The following DNAH3 variants were observed in gnomAD, a reference collection of about 807,000 sequenced individuals.
The protein encoded by DNAH3 is axonemal beta dynein heavy chain 3.
DNAH3 carries 332 observed loss-of-function variants against 432.5 expected under a neutral mutation model. That is an observed-to-expected ratio of 0.77 (90% CI 0.70 to 0.84). DNAH3 has a LOEUF of 0.84. Ranked by LOEUF, DNAH3 falls within the 40% of genes least tolerant of loss-of-function variation. The pLI is 0.00. For missense variants in DNAH3, 4,861 were observed against 5,114.0 expected (o/e 0.95, Z 1.51); for synonymous variants, 1,956 against 1,900.2 (o/e 1.03, Z -0.76).
chr16:21,058,613 T>C (rs924150266), intron 26 of DNAH3, among the ~76,000 whole-genome samples: 1 of 142,720 alleles, frequency 7.0e-6, no homozygotes, highest in Admixed American at 7.1e-5. Context: ...ACTATGTATA[T>C]AAATTTTTTC....
chr16:21,144,323 GCTCT>G (rs1182513686), intron 3 of DNAH3, among the ~76,000 whole-genome samples: 2 of 152,050 alleles, frequency 1.3e-5, no homozygotes, highest in Admixed American at 6.6e-5. Context: ...TCTCTTGCTG[GCTCT>G]CTCTCTTTCT....
intron 19 of DNAH3, among the ~76,000 whole-genome samples, chr16:21,086,555 C>T (rs1406978152): frequency 1.3e-5 from 2 of 152,144 alleles, no homozygotes; most frequent in African/African-American, 4.8e-5. Flanking sequence ...CCTCCAAAAG[C>T]CCATCTGCTT....
rs1270196222 is a variant in DNAH3 at position 21,145,410 on chromosome 16, C to A, written c.223-4G>T. 4.3e-6 allele frequency: 7 copies of A among 1,612,642 alleles called. No individual in the cohort carries two copies. ...AAAAGCTGTGTGACATGACAGTCTA[C>A]GAGGTAAGAAGTGCAGAGTGAGACA... On this transcript the variant is annotated splice_polypyrimidine_tract_variant and splice_region_variant and intron_variant, in intron 2 of 61. Transcript: ENST00000261383.
chr16:21,031,389 G>T, intron 36 of DNAH3, 103 bp from the exon 37 acceptor site: 1 of 1,403,588 alleles, frequency 7.1e-7, no homozygotes, highest in South Asian at 1.4e-5. Context: ...TTATAAATAT[G>T]CCATATGAGG....
At chr16:21,026,632 C>A (rs1312729528) in intron 38 of DNAH3, among the ~76,000 whole-genome samples, 1 of 135,930 alleles carries the variant, frequency 7.4e-6, no homozygotes, top group Non-Finnish European at 1.5e-5. Context: ...ACCTGGGAGG[C>A]AGAGGTTGCA....
intron 31 of DNAH3, among the ~76,000 whole-genome samples, chr16:21,045,581 C>A (rs2089656472): frequency 1.4e-5 from 2 of 146,130 alleles, no homozygotes; most frequent in African/African-American, 5.0e-5. Flanking sequence ...CTTTATTAGT[C>A]TTGCTAGCAG....
chr16:20,982,985 G>T, intron 48 of DNAH3, 99 bp from the exon 49 acceptor site: 1 of 1,346,514 alleles, frequency 7.4e-7, no homozygotes, highest in Non-Finnish European at 1.0e-6. Flanking sequence ...GTAAGTGGGG[G>T]CAGGCTTCCT....
intron 5 of DNAH3, 150 bp downstream of exon 6, chr16:21,140,386 C>T (rs775295773): frequency 1.4e-5 from 10 of 714,192 alleles, no homozygotes; most frequent in East Asian, 8.1e-5. Flanking sequence ...CACAAACATG[C>T]GCCCTCTTCA....
Position 20,988,570 on chromosome 16 carries a change from G to C in DNAH3, c.6602-505C>G, listed in dbSNP as rs1346735199. ...GCTGGGACTACAGGCCTCCCAGAGT[G>C]CTGTGATTGCAGGCATGAGACACCG... On this transcript the variant is annotated intron_variant, in intron 44 of 61. Coordinates refer to ENST00000261383, the Ensembl canonical transcript of DNAH3. 2.0e-5 allele frequency among the ~76,000 whole-genome samples: 3 copies of C among 152,186 alleles called. No homozygotes were observed. In the East Asian group the frequency reaches 5.8e-4, roughly 29 times the overall value.
chr16:21,071,666 T>G (rs1397187270), intron 21 of DNAH3, among the ~76,000 whole-genome samples: 1 of 151,964 alleles, frequency 6.6e-6, no homozygotes, highest in Non-Finnish European at 1.5e-5. Flanking sequence ...GGTAGGAGGA[T>G]CGCTTGAGTC....
intron 44 of DNAH3, among the ~76,000 whole-genome samples, chr16:20,990,854 C>T (rs2086519429): frequency 6.6e-6 from 1 of 151,972 alleles, no homozygotes; most frequent in African/African-American, 2.4e-5. Context: ...ACCCCCATCT[C>T]TATTAAAAAT....
rs1272348966 is a variant in DNAH3 at position 20,957,793 on chromosome 16, G to A, written c.10826+1386C>T. On this transcript the variant is annotated intron_variant, in intron 54 of 61. Coordinates refer to ENST00000261383, the Ensembl canonical transcript of DNAH3. ...TTGCACTCCAGCCTGGGCAATAAGA[G>A]CGAAACTCCATCTCCAAAAAAAAAA... 5.0e-5 allele frequency among the ~76,000 whole-genome samples: 4 copies of A among 79,678 alleles called. No individual in the cohort carries two copies. The South Asian group carries it at 1.3e-3, about 25-fold the overall frequency. The allele number at this position is 79,678 out of a possible 152,430, so 52.3% of individuals were successfully genotyped here. A position where few individuals can be genotyped will look rare whatever the true frequency, so the allele number is the denominator to read the frequency against.
intron 31 of DNAH3, among the ~76,000 whole-genome samples, chr16:21,042,917 C>T (rs1042740411): frequency 2.6e-5 from 4 of 152,006 alleles, no homozygotes; most frequent in Admixed American, 6.6e-5. Flanking sequence ...TGAGAATATG[C>T]GGTGTTTGGT....
chr16:21,140,425 GT>G (rs2092704011), intron 5 of DNAH3, 110 bp downstream of exon 6: 3 of 1,220,908 alleles, frequency 2.5e-6, no homozygotes, highest in Non-Finnish European at 3.5e-6. Flanking sequence ...AGACTTTGGT[GT>G]TTTTCAAACA....
At chr16:21,010,475 T>A (rs953539065) in intron 41 of DNAH3, among the ~76,000 whole-genome samples, 12 of 152,128 alleles carry the variant, frequency 7.9e-5, no homozygotes, top group African/African-American at 2.9e-4. Flanking sequence ...GACAAATGGA[T>A]CCCTGGGTTG....
At chr16:20,954,840 G>C (rs1446534424) in exon 55 of DNAH3, 2 of 1,614,066 alleles carry the variant, frequency 1.2e-6, no homozygotes, top group Non-Finnish European at 1.7e-6. Flanking sequence ...CTTCTCTCTT[G>C]AACAACGGCG....
chr16:21,152,655 CG>C (rs2092866548), intron 1 of DNAH3, among the ~76,000 whole-genome samples: 1 of 152,236 alleles, frequency 6.6e-6, no homozygotes. Context: ...GCTGGAGTTC[CG>C]GGTGGGCGTG....
intron 18 of DNAH3, 141 bp from the exon 19 acceptor site, chr16:21,087,201 A>G: frequency 2.9e-6 from 2 of 700,512 alleles, no homozygotes; most frequent in Admixed American, 2.6e-5. Context: ...TGAAACCTGC[A>G]CTTAGCCAGT....
chr16:21,046,519 A>G (rs1187778068), intron 31 of DNAH3, among the ~76,000 whole-genome samples: 2 of 151,126 alleles, frequency 1.3e-5, no homozygotes, highest in Non-Finnish European at 2.9e-5. Flanking sequence ...TTTGTTTTTC[A>G]TTGGCTTGGT....
Sources: gnomAD v4.1 joint callset for allele counts (sites outside exome capture counted in the v4.1 genomes callset) on GRCh38, gnomAD v4.1.1 for gene constraint, MANE v1.5 for transcripts, NCBI Gene and HGNC (gene_info 2026-07-23, HGNC 2026-07-21) for gene names.